The following MYBPC1 variants were observed in gnomAD, a reference collection of about 807,000 sequenced individuals.
MYBPC1 encodes the protein myosin binding protein C1.
Under a neutral mutation model 147.1 loss-of-function variants are expected in MYBPC1, and 52 were observed. That is an observed-to-expected ratio of 0.35 (90% CI 0.28 to 0.45). The LOEUF (loss-of-function observed/expected upper bound fraction) is 0.45. Among genes scored for constraint, MYBPC1 ranks in the 20% least tolerant of loss-of-function variants. The pLI is 1.00. For synonymous variants in MYBPC1, 477 were observed against 475.9 expected (o/e 1.00, Z -0.03); for missense variants, 1,228 against 1,440.3 (o/e 0.85, Z 2.39).
chr12:101,650,692 C>T (rs531089502), intron 15 of MYBPC1: 9 of 171,746 alleles, frequency 5.2e-5, no homozygotes, highest in East Asian at 4.6e-4. Context: ...CATCAGTCAG[C>T]GACATATTTT....
In MYBPC1 at chr12:101,632,052, C is replaced by T; in HGVS notation, c.470C>T (p.Ala157Val). Residue 157 changes from alanine to valine, a missense_variant, in exon 8 of 32, where the codon GCC becomes GTC. Ala to Val is a moderately conservative substitution (Grantham distance 64). Around this residue, in one of 2 missense-constraint regions of MYBPC1, gnomAD observed 1,077 missense variants for 1,314.2 expected, o/e 0.82. Coordinates refer to ENST00000361466, the MANE Select transcript of MYBPC1 (RefSeq NM_002465.4). ...VYTFEMQIIK[A>V]KDNFAGNYRC... The stretch of plus-strand genomic sequence containing the variant: ...ACATTTGAGATGCAGATCATCAAGG[C>T]CAAAGATAACTTTGCAGGAAATTAC... 6.2e-7 allele frequency: 1 copy of T among 1,613,752 alleles called. No homozygotes were observed. Among genetic ancestry groups the T allele is most frequent in the Non-Finnish European group, 8.5e-7 (1 of 1,179,690 alleles).
chr12:101,623,763 G>A (rs1887960550), intron 3 of MYBPC1, among the ~76,000 whole-genome samples: 1 of 152,076 alleles, frequency 6.6e-6, no homozygotes, highest in Non-Finnish European at 1.5e-5. Context: ...TAGGTAACAA[G>A]AATAAAGTAC....
chr12:101,676,647 A>T (rs878926116), intron 26 of MYBPC1, among the ~76,000 whole-genome samples: 4 of 152,090 alleles, frequency 2.6e-5, no homozygotes, highest in Admixed American at 2.6e-4. Context: ...GTTACTCGGG[A>T]GGCTGAGGTG....
intron 2 of MYBPC1, chr12:101,614,758 G>A: frequency 1.7e-6 from 1 of 591,784 alleles, no homozygotes; most frequent in Non-Finnish European, 3.0e-6. Context: ...TATATATTAG[G>A]GGGACAATTC....
chr12:101,657,885 G>T (rs1200245095), intron 18 of MYBPC1, among the ~76,000 whole-genome samples: 1 of 152,060 alleles, frequency 6.6e-6, no homozygotes, highest in African/African-American at 2.4e-5. Flanking sequence ...AAATGTAGAT[G>T]CAAAAATTCT....
At chr12:101,687,151 G>A (rs1951360486), downstream of MYBPC1, among the ~76,000 whole-genome samples, 1 of 151,940 alleles carries the variant, frequency 6.6e-6, no homozygotes, top group African/African-American at 2.4e-5. Context: ...GTATACATGT[G>A]CCATGTTGGT....
chr12:101,675,107 C>G (rs1444330005), intron 25 of MYBPC1, among the ~76,000 whole-genome samples, 185 bp from the exon 26 acceptor site: 1 of 152,138 alleles, frequency 6.6e-6, no homozygotes, highest in African/African-American at 2.4e-5. Context: ...CTGCTCTGTG[C>G]CCTTTGATCT....
intron 25 of MYBPC1, among the ~76,000 whole-genome samples, chr12:101,674,766 G>T (rs373676344): frequency 5.4e-4 from 81 of 149,972 alleles, no homozygotes; most frequent in African/African-American, 2.0e-3. Flanking sequence ...GGGAGGCTGA[G>T]GCATGAAAAT....
intron 12 of MYBPC1, among the ~76,000 whole-genome samples, chr12:101,646,232 A>G (rs1216052029): frequency 6.6e-6 from 1 of 152,160 alleles, no homozygotes; most frequent in Non-Finnish European, 1.5e-5. Context: ...GAAAATTATA[A>G]TGGAAATTAA....
At position 101,652,529 on chromosome 12, in the gene MYBPC1, T is replaced by G; in HGVS notation, c.1527-149T>G. ...AGGATAATTAAGGCTTCTCATCCTC[T>G]CTCTCTCTCTCTCTCTTTCTCTCTC... On this transcript the variant is annotated intron_variant, in intron 16 of 31. Transcript: ENST00000361466. 12 of 559,586 alleles carry G rather than the reference T, an allele frequency of 2.1e-5. 1 individual carries two copies. In the East Asian group the frequency reaches 2.2e-4, roughly 10 times the overall value. The allele number at this position is 559,586 out of a possible 1,614,324, so 34.7% of individuals were successfully genotyped here.
chr12:101,604,203 G>A (rs1342132990), intron 1 of MYBPC1, among the ~76,000 whole-genome samples: 1 of 152,132 alleles, frequency 6.6e-6, no homozygotes, highest in Non-Finnish European at 1.5e-5. Context: ...TTGTTGCTAT[G>A]TAATAAGGAC....
intron 18 of MYBPC1, 47 bp from the exon 19 acceptor site, chr12:101,659,625 C>T: frequency 6.2e-7 from 1 of 1,605,712 alleles, no homozygotes; most frequent in Non-Finnish European, 8.5e-7. Flanking sequence ...TGAAGTAGCC[C>T]TGTTTATTGT....
intron 24 of MYBPC1, among the ~76,000 whole-genome samples, chr12:101,671,310 T>TATAC (rs34920000): frequency 9.5e-5 from 10 of 105,444 alleles, no homozygotes; most frequent in African/African-American, 2.4e-4. Flanking sequence ...GACACTCATA[T>TATAC]ACACACACAC....
At chr12:101,671,462 G>A (rs774368426) in intron 24 of MYBPC1, among the ~76,000 whole-genome samples, 22 of 152,200 alleles carry the variant, frequency 1.4e-4, no homozygotes, top group African/African-American at 5.1e-4. Context: ...CACTCCGGGT[G>A]CAAACCTAAG....
At chr12:101,637,957 G>C (rs573510717) in intron 10 of MYBPC1, among the ~76,000 whole-genome samples, 1 of 152,198 alleles carries the variant, frequency 6.6e-6, no homozygotes, top group East Asian at 1.9e-4. Context: ...AGTATATGAA[G>C]TGCCCTTAAG....
intron 8 of MYBPC1, among the ~76,000 whole-genome samples, chr12:101,634,248 C>T (rs1890559302): frequency 6.6e-6 from 1 of 152,192 alleles, no homozygotes; most frequent in East Asian, 1.9e-4. Flanking sequence ...CCTCCCTGAT[C>T]TGGTGGATCA....
intron 24 of MYBPC1, among the ~76,000 whole-genome samples, chr12:101,672,576 G>A (rs952522611): frequency 1.3e-5 from 2 of 152,160 alleles, no homozygotes; most frequent in African/African-American, 2.4e-5. Flanking sequence ...GGCCGGGCAC[G>A]GTGGCTCACA....
intron 5 of MYBPC1, 168 bp from the exon 6 acceptor site, chr12:101,629,266 G>T (rs1889294485): frequency 1.5e-6 from 1 of 662,192 alleles, no homozygotes; most frequent in Non-Finnish European, 2.7e-6. Flanking sequence ...ATGGGAATCT[G>T]TTCCCCTCTA....
chr12:101,674,164 C>T (rs1899332208), intron 25 of MYBPC1, among the ~76,000 whole-genome samples: 1 of 152,166 alleles, frequency 6.6e-6, no homozygotes, highest in South Asian at 2.1e-4. Flanking sequence ...AATGGATGTG[C>T]TTTTTAGTGA....
Sources: allele counts gnomAD v4.1 joint callset (sites outside exome capture counted in the v4.1 genomes callset), GRCh38; gene constraint gnomAD v4.1.1; regional missense constraint gnomAD v4.1.1; transcripts MANE v1.5; gene names NCBI Gene and HGNC (gene_info 2026-07-23, HGNC 2026-07-21).